HPSE2: variants seen among roughly 807,000 people sequenced by gnomAD.
HPSE2 encodes the protein inactive heparanase-2.
Under a neutral mutation model 60.5 loss-of-function variants are expected in HPSE2, and 38 were observed. The ratio of observed to expected loss-of-function variants is 0.63; its 90% confidence interval spans 0.48 to 0.82. The LOEUF (loss-of-function observed/expected upper bound fraction) is 0.82. Among genes scored for constraint, HPSE2 ranks in the 40% least tolerant of loss-of-function variants. The pLI is 0.00. For missense variants in HPSE2, 713 were observed against 740.4 expected (o/e 0.96, Z 0.43); for synonymous variants, 295 against 293.2 (o/e 1.01, Z -0.06).
At chr10:98,818,684 C>A (rs1951348589) in intron 3 of HPSE2, among the ~76,000 whole-genome samples, 1 of 152,164 alleles carries the variant, frequency 6.6e-6, no homozygotes, top group Non-Finnish European at 1.5e-5. Context: ...TAGATTAAAA[C>A]AAGATCCAGG....
intron 11 of HPSE2, among the ~76,000 whole-genome samples, 176 bp downstream of exon 11, chr10:98,482,460 G>C (rs1249906725): frequency 6.6e-6 from 1 of 152,108 alleles, no homozygotes; most frequent in Non-Finnish European, 1.5e-5. Flanking sequence ...AGATAGGGAG[G>C]GGCTTGAACA....
At chr10:99,287,389 A>ACTTTG in the HPSE2 span, among the ~76,000 whole-genome samples, 1 of 152,096 alleles carries the variant, frequency 6.6e-6, no homozygotes, top group Non-Finnish European at 1.5e-5. Context: ...CACCAGGCCA[A>ACTTTG]CATGGAGTGT....
intron 3 of HPSE2, among the ~76,000 whole-genome samples, chr10:98,764,814 A>AC (rs1384753259): frequency 3.9e-5 from 6 of 152,074 alleles, no homozygotes; most frequent in Admixed American, 2.6e-4. Flanking sequence ...CCGAGATGGC[A>AC]CCACTGCACT....
At chr10:98,779,601 A>C (rs1950420132) in intron 3 of HPSE2, among the ~76,000 whole-genome samples, 1 of 152,178 alleles carries the variant, frequency 6.6e-6, no homozygotes, top group Admixed American at 6.6e-5. Context: ...TCAAATATTA[A>C]CATGTATTGT....
At chr10:98,903,207 T>C (rs1953714440) in intron 3 of HPSE2, among the ~76,000 whole-genome samples, 1 of 152,106 alleles carries the variant, frequency 6.6e-6, no homozygotes, top group African/African-American at 2.4e-5. Context: ...TTATATGAAA[T>C]GCTCAGAATA....
At chr10:98,530,656 G>A (rs1035166229) in intron 9 of HPSE2, among the ~76,000 whole-genome samples, 11 of 152,202 alleles carry the variant, frequency 7.2e-5, no homozygotes, top group African/African-American at 2.2e-4. Flanking sequence ...AAGTAGCTGT[G>A]TGGAATGTGT....
intron 3 of HPSE2, among the ~76,000 whole-genome samples, chr10:98,980,565 C>T (rs946001261): frequency 1.3e-5 from 2 of 152,138 alleles, no homozygotes; most frequent in African/African-American, 2.4e-5. Context: ...TTGGCTTTTG[C>T]CTTATTTGAA....
the HPSE2 span, among the ~76,000 whole-genome samples, chr10:99,268,714 A>C: frequency 6.6e-6 from 1 of 151,934 alleles, no homozygotes; most frequent in Non-Finnish European, 1.5e-5. Flanking sequence ...TAAATTGATT[A>C]ATTAATTAAA....
At chr10:98,888,026 T>C (rs1953217700) in intron 3 of HPSE2, among the ~76,000 whole-genome samples, 1 of 151,846 alleles carries the variant, frequency 6.6e-6, no homozygotes, top group South Asian at 2.1e-4. Context: ...CAATAATAAT[T>C]GTATACCTTT....
intron 2 of HPSE2, among the ~76,000 whole-genome samples, chr10:99,156,308 T>C (rs1248566577): frequency 2.4e-5 from 3 of 126,806 alleles, no homozygotes; most frequent in Non-Finnish European, 5.3e-5. Context: ...AAAAGAGAAT[T>C]TTAGACCAAT....
chr10:99,257,620 GC>G, the HPSE2 span, among the ~76,000 whole-genome samples: 1 of 152,140 alleles, frequency 6.6e-6, no homozygotes, highest in Non-Finnish European at 1.5e-5. Flanking sequence ...GACAATGCGT[GC>G]CCGAAACTTC....
intron 9 of HPSE2, among the ~76,000 whole-genome samples, chr10:98,562,267 A>C (rs1281536997): frequency 6.6e-6 from 1 of 152,190 alleles, no homozygotes; most frequent in Non-Finnish European, 1.5e-5. Context: ...ATAAATACAC[A>C]CTATGATGTT....
chr10:99,124,915 G>A (rs1845105770), intron 3 of HPSE2, among the ~76,000 whole-genome samples: 1 of 152,212 alleles, frequency 6.6e-6, no homozygotes, highest in Non-Finnish European at 1.5e-5. Flanking sequence ...AACTGCAGCT[G>A]GCATCTTCAC....
intron 11 of HPSE2, among the ~76,000 whole-genome samples, chr10:98,468,773 G>A (rs1196302356): frequency 6.6e-6 from 1 of 152,050 alleles, no homozygotes; most frequent in Non-Finnish European, 1.5e-5. Context: ...TTCCTCTACT[G>A]TTGTTAACAG....
the HPSE2 span, among the ~76,000 whole-genome samples, chr10:99,268,161 G>A: frequency 6.6e-6 from 1 of 152,088 alleles, no homozygotes; most frequent in Non-Finnish European, 1.5e-5. Flanking sequence ...CTCCTTAAAT[G>A]AAACAATTAT....
intron 5 of HPSE2, among the ~76,000 whole-genome samples, chr10:98,704,219 T>A (rs1211201479): frequency 6.6e-6 from 1 of 152,146 alleles, no homozygotes; most frequent in Admixed American, 6.5e-5. Flanking sequence ...TGAAGGACTC[T>A]TCAAGGAGAA....
the HPSE2 span, among the ~76,000 whole-genome samples, chr10:99,300,261 C>A: frequency 6.6e-6 from 1 of 152,102 alleles, no homozygotes; most frequent in African/African-American, 2.4e-5. Flanking sequence ...TTAAGACACC[C>A]AGACCCATAA....
At chr10:99,015,877 C>T (rs1957129560) in intron 3 of HPSE2, among the ~76,000 whole-genome samples, 1 of 152,118 alleles carries the variant, frequency 6.6e-6, no homozygotes, top group Non-Finnish European at 1.5e-5. Flanking sequence ...CCTTTGCCCA[C>T]TTTTTTATGG....
upstream of HPSE2, chr10:99,235,966 TCTCGCTCG>T (rs140848494): frequency 7.3e-4 from 353 of 482,482 alleles, 1 homozygote; most frequent in Admixed American, 1.3e-3. Context: ...TCTCTCTCTC[TCTCGCTCG>T]CTCGCTCGCT....
Sources: allele counts gnomAD v4.1 joint callset (sites outside exome capture counted in the v4.1 genomes callset), GRCh38; gene constraint gnomAD v4.1.1; transcripts MANE v1.5; gene names NCBI Gene and HGNC (gene_info 2026-07-23, HGNC 2026-07-21).